CPVL: variants seen among roughly 807,000 people sequenced by gnomAD.
CPVL encodes probable serine carboxypeptidase CPVL.
CPVL carries 51 observed loss-of-function variants against 63.7 expected under a neutral mutation model. The observed-to-expected ratio is 0.80, with a 90% confidence interval of 0.64 to 1.01. The LOEUF (loss-of-function observed/expected upper bound fraction) is 1.01. Among genes scored for constraint, CPVL ranks in the 50% least tolerant of loss-of-function variants. CPVL has a pLI of 0.00. For missense variants in CPVL, 530 were observed against 573.1 expected (o/e 0.92, Z 0.77); for synonymous variants, 195 against 206.0 (o/e 0.95, Z 0.46).
intron 3 of CPVL, among the ~76,000 whole-genome samples, chr7:29,106,915 A>C (rs1787773266): frequency 6.6e-6 from 1 of 152,166 alleles, no homozygotes; most frequent in African/African-American, 2.4e-5. Flanking sequence ...CAGAAATTTG[A>C]GGGTGTCTGG....
chr7:29,156,342 G>A (rs900791113), intron 5 of CPVL, among the ~76,000 whole-genome samples: 2 of 152,050 alleles, frequency 1.3e-5, no homozygotes, highest in African/African-American at 4.8e-5. Flanking sequence ...ATTAAGCTTG[G>A]TACTTCTCTA....
At chr7:29,033,808 G>C (rs1237329888) in intron 11 of CPVL, among the ~76,000 whole-genome samples, 3 of 152,140 alleles carry the variant, frequency 2.0e-5, no homozygotes, top group Non-Finnish European at 4.4e-5. Context: ...CTCTGGTAAG[G>C]GAGCAAAGCC....
intron 12 of CPVL, among the ~76,000 whole-genome samples, chr7:29,004,899 T>TC (rs1404649922): frequency 1.4e-5 from 2 of 146,570 alleles, no homozygotes; most frequent in East Asian, 3.9e-4. Flanking sequence ...TTCTTTTCTT[T>TC]TCTTTTTTTT....
At chr7:29,132,866 T>C (rs1173675236) in intron 1 of CPVL, among the ~76,000 whole-genome samples, 4 of 152,162 alleles carry the variant, frequency 2.6e-5, no homozygotes, top group Admixed American at 1.3e-4. Context: ...ATATATACAA[T>C]TGAAGAAAGA....
chr7:29,114,165 A>G (rs1030905295), intron 2 of CPVL, among the ~76,000 whole-genome samples: 1 of 152,232 alleles, frequency 6.6e-6, no homozygotes, highest in Non-Finnish European at 1.5e-5. Flanking sequence ...AGATGCTACA[A>G]GTCAGGGTCC....
At chr7:29,074,764 G>A (rs1041334375) in intron 7 of CPVL, among the ~76,000 whole-genome samples, 6 of 150,326 alleles carry the variant, frequency 4.0e-5, no homozygotes, top group African/African-American at 1.2e-4. Flanking sequence ...TTACAGCAGC[G>A]TGAAAATGAA....
chr7:29,145,041 T>TA (rs1792333140), intron 1 of CPVL, among the ~76,000 whole-genome samples: 1 of 151,672 alleles, frequency 6.6e-6, no homozygotes, highest in Non-Finnish European at 1.5e-5. Context: ...CCCCTGTACT[T>TA]AGACTAGCAT....
intron 12 of CPVL, among the ~76,000 whole-genome samples, chr7:29,015,843 TA>T (rs1562724053): frequency 6.6e-6 from 1 of 152,152 alleles, no homozygotes; most frequent in African/African-American, 2.4e-5. Context: ...TTCAAAGCCT[TA>T]AGCAAGTTTT....
chr7:29,012,148 A>T (rs1447246261), intron 12 of CPVL: 1 of 151,612 alleles, frequency 6.6e-6, no homozygotes, highest in Non-Finnish European at 1.5e-5. Context: ...GCTTACTTAT[A>T]ATAAGACTTC....
chr7:29,121,549 G>A (rs528839758), intron 1 of CPVL, among the ~76,000 whole-genome samples: 11 of 152,260 alleles, frequency 7.2e-5, no homozygotes, highest in African/African-American at 2.6e-4. Flanking sequence ...CCATAAATGG[G>A]TGGTAGAAAC....
At chr7:29,139,953 C>T (rs562652235) in intron 1 of CPVL, among the ~76,000 whole-genome samples, 58 of 152,294 alleles carry the variant, frequency 3.8e-4, no homozygotes, top group Middle Eastern at 3.4e-3. Context: ...CTGCCATTTC[C>T]CCTTTTGTCA....
intron 11 of CPVL, among the ~76,000 whole-genome samples, chr7:29,047,328 T>C (rs761516790): frequency 9.2e-5 from 14 of 152,086 alleles, no homozygotes; most frequent in African/African-American, 2.7e-4. Flanking sequence ...GGGAAATAGA[T>C]TGCATAAAGA....
chr7:29,138,453 T>TAAG (rs756896228), intron 1 of CPVL, among the ~76,000 whole-genome samples: 24 of 151,874 alleles, frequency 1.6e-4, no homozygotes, highest in East Asian at 1.6e-3. Flanking sequence ...ATAATAATAA[T>TAAG]AAGAAGAAGA....
intron 12 of CPVL, among the ~76,000 whole-genome samples, chr7:28,997,022 T>C (rs1304009530): frequency 2.0e-5 from 3 of 152,152 alleles, no homozygotes; most frequent in African/African-American, 4.8e-5. Context: ...TCCTAAAACA[T>C]CTCTAATGAT....
chr7:29,169,822 G>GTA (rs201753678), intron 5 of CPVL, among the ~76,000 whole-genome samples: 195 of 150,218 alleles, frequency 1.3e-3, no homozygotes, highest in African/African-American at 2.7e-3. Flanking sequence ...GGGATAAGAT[G>GTA]TATATATATA....
chr7:29,182,342 G>A (rs1476327713), intron 4 of CPVL, among the ~76,000 whole-genome samples: 2 of 152,302 alleles, frequency 1.3e-5, no homozygotes, highest in South Asian at 2.1e-4. Flanking sequence ...TACCAATAAT[G>A]AAATAAGATC....
At chr7:29,056,949 C>CTTTT (rs70977101) in intron 11 of CPVL, among the ~76,000 whole-genome samples, 17 of 118,056 alleles carry the variant, frequency 1.4e-4, no homozygotes, top group Non-Finnish European at 2.5e-4. Context: ...TTTTCCTTTT[C>CTTTT]TTTTTTTTTT....
At chr7:29,160,995 T>A (rs1001370852) in intron 5 of CPVL, among the ~76,000 whole-genome samples, 7 of 152,226 alleles carry the variant, frequency 4.6e-5, no homozygotes, top group Non-Finnish European at 8.8e-5. Context: ...ATTGAGTTTT[T>A]CCTGCTTTTT....
At chr7:29,165,936 G>A (rs1312728127) in intron 5 of CPVL, among the ~76,000 whole-genome samples, 1 of 152,156 alleles carries the variant, frequency 6.6e-6, no homozygotes, top group African/African-American at 2.4e-5. Flanking sequence ...TATGTTCACA[G>A]GGGACATGAT....
Sources: allele counts gnomAD v4.1 joint callset (sites outside exome capture counted in the v4.1 genomes callset), GRCh38; gene constraint gnomAD v4.1.1; transcripts MANE v1.5; gene names NCBI Gene and HGNC (gene_info 2026-07-23, HGNC 2026-07-21).